The following MMP16 variants were observed in gnomAD, a reference collection of about 807,000 sequenced individuals.
MMP16 encodes matrix metallopeptidase 16, also known as matrix metalloproteinase-16.
A neutral mutation model predicts 67.8 loss-of-function variants in MMP16; 12 were observed. That is an observed-to-expected ratio of 0.18 (90% CI 0.11 to 0.29). MMP16 has a LOEUF of 0.29. Ranked by LOEUF, MMP16 falls within the 10% of genes least tolerant of loss-of-function variation. MMP16 has a pLI of 1.00. For missense variants in MMP16, 475 were observed against 765.7 expected (o/e 0.62, Z 4.48); for synonymous variants, 249 against 255.9 (o/e 0.97, Z 0.26).
intron 4 of MMP16, among the ~76,000 whole-genome samples, chr8:88,153,355 G>GA (rs1192959993): frequency 1.3e-5 from 2 of 151,882 alleles, no homozygotes; most frequent in South Asian, 2.1e-4. Flanking sequence ...CACAGAATTG[G>GA]AAAAAACTAC....
At chr8:88,097,728 A>T (rs1169698599) in intron 6 of MMP16, among the ~76,000 whole-genome samples, 1 of 151,808 alleles carries the variant, frequency 6.6e-6, no homozygotes, top group Admixed American at 6.6e-5. Flanking sequence ...AATGAAAATC[A>T]ATTATGACAA....
Position 88,285,293 on chromosome 8 carries a change from C to A in MMP16, c.132+41782G>T, listed in dbSNP as rs542760226. ...TAGCTGGGATTACAGGCGCCTGCCA[C>A]CACGCCCAGCTAATTTTTATATTTT... On this transcript the variant is annotated intron_variant, in intron 1 of 9. Transcript: ENST00000286614. Among the ~76,000 whole-genome samples the A allele has an allele frequency of 2.0e-5, 3 of 152,224 alleles. 1 individual carries two copies. The South Asian group carries it at 6.2e-4, about 32-fold the overall frequency.
intron 7 of MMP16, among the ~76,000 whole-genome samples, chr8:88,070,670 T>C: frequency 6.6e-6 from 1 of 152,074 alleles, no homozygotes; most frequent in Admixed American, 6.6e-5. Context: ...ACTGAGAAAG[T>C]CTTCTGAGCT....
chr8:88,324,247 G>A (rs1217829586), intron 1 of MMP16, among the ~76,000 whole-genome samples: 1 of 152,066 alleles, frequency 6.6e-6, no homozygotes, highest in Non-Finnish European at 1.5e-5. Flanking sequence ...CTCTCTTTCT[G>A]TAACAGGATT....
At chr8:88,247,999 C>T (rs534164775) in intron 1 of MMP16, among the ~76,000 whole-genome samples, 2 of 152,032 alleles carry the variant, frequency 1.3e-5, no homozygotes, top group African/African-American at 4.8e-5. Flanking sequence ...GGAGTGGGCA[C>T]CAAGGTGTGG....
chr8:88,085,380 A>T (rs1808816702), intron 6 of MMP16, among the ~76,000 whole-genome samples: 1 of 152,070 alleles, frequency 6.6e-6, no homozygotes, highest in South Asian at 2.1e-4. Context: ...AAACCTGTTC[A>T]AAGCAACCAT....
rs1809545314 is a variant in MMP16 at position 88,213,652 on chromosome 8, A to AT, written c.133-16347dup. On this transcript the variant is annotated intron_variant, in intron 1 of 9. Transcript: ENST00000286614. Reference sequence around the variant, plus strand: ...AGACTGATTTACAAAAAGTACAAATATTTTTTCTAGTCCCAGTCCTAGATG... The same window carrying AT: ...AGACTGATTTACAAAAAGTACAAATATTTTTTTCTAGTCCCAGTCCTAGATG... Among the ~76,000 whole-genome samples, 4 of 152,108 alleles carry AT rather than the reference A, an allele frequency of 2.6e-5. No individual in the cohort carries two copies. The South Asian group carries it at 6.2e-4, about 24-fold the overall frequency.
At chr8:88,216,978 T>A (rs1344559282) in intron 1 of MMP16, among the ~76,000 whole-genome samples, 1 of 152,122 alleles carries the variant, frequency 6.6e-6, no homozygotes, top group Admixed American at 6.6e-5. Flanking sequence ...CATGGCTTGC[T>A]ATTTTATTAA....
At chr8:88,159,536 T>A (rs1808575699) in intron 4 of MMP16, among the ~76,000 whole-genome samples, 2 of 150,586 alleles carry the variant, frequency 1.3e-5, no homozygotes, top group African/African-American at 4.9e-5. Flanking sequence ...TTGCTGAAGT[T>A]GCTTATGGGG....
chr8:88,153,398 G>A lies in MMP16; in HGVS notation c.709+14271C>T, dbSNP rs1012870748. Among the ~76,000 whole-genome samples, 465 of 152,144 alleles carry A rather than the reference G, an allele frequency of 3.1e-3. 2 individuals are homozygous for A. The highest frequency in any genetic ancestry group is 5.3e-3 in the Non-Finnish European group (361 of 68,006). On this transcript the variant is annotated intron_variant, in intron 4 of 9. Coordinates refer to ENST00000286614, the MANE Select transcript of MMP16 (RefSeq NM_005941.5). ...TTCATATGGAACCAAAAAAGAGCCC[G>A]CATCACCAAGTCAACCCTAAGCCAA...
chr8:88,306,469 C>T (rs58695872), intron 1 of MMP16, among the ~76,000 whole-genome samples: 6 of 151,498 alleles, frequency 4.0e-5, no homozygotes, highest in South Asian at 2.1e-4. Context: ...AACTAGGCAG[C>T]GATACCACAA....
chr8:88,286,664 C>T (rs537545542), intron 1 of MMP16, among the ~76,000 whole-genome samples: 10 of 152,134 alleles, frequency 6.6e-5, no homozygotes, highest in African/African-American at 2.4e-4. Flanking sequence ...CAAGCTCCAC[C>T]TCCAGCGTTC....
intron 1 of MMP16, among the ~76,000 whole-genome samples, chr8:88,219,678 C>A (rs1563565769): frequency 6.6e-6 from 1 of 152,074 alleles, no homozygotes; most frequent in Non-Finnish European, 1.5e-5. Flanking sequence ...AAACTTCAAA[C>A]TATGCAAGAG....
At chr8:88,118,535 G>A (rs1809477120) in intron 5 of MMP16, among the ~76,000 whole-genome samples, 165 bp downstream of exon 5, 1 of 151,962 alleles carries the variant, frequency 6.6e-6, no homozygotes, top group South Asian at 2.1e-4. Flanking sequence ...TGGGACCTTT[G>A]CCAACAAAAT....
intron 1 of MMP16, among the ~76,000 whole-genome samples, chr8:88,210,846 A>C (rs1272196227): frequency 6.6e-6 from 1 of 152,126 alleles, no homozygotes; most frequent in African/African-American, 2.4e-5. Context: ...GAGTACTGAT[A>C]CTCAATGTAA....
chr8:88,221,618 A>G (rs371647272), intron 1 of MMP16, among the ~76,000 whole-genome samples: 1 of 42,120 alleles, frequency 2.4e-5, no homozygotes, highest in Non-Finnish European at 1.1e-4. Context: ...CTGGAAGATT[A>G]AAAAATATAA....
At chr8:88,189,203 T>C (rs185183184) in intron 2 of MMP16, among the ~76,000 whole-genome samples, 1 of 152,286 alleles carries the variant, frequency 6.6e-6, no homozygotes. Context: ...GCCCCTTCCT[T>C]ACTGAGCTCA....
chr8:88,317,504 A>T (rs1200276927), intron 1 of MMP16, among the ~76,000 whole-genome samples: 1 of 152,200 alleles, frequency 6.6e-6, no homozygotes, highest in African/African-American at 2.4e-5. Flanking sequence ...GTGTAAATAT[A>T]ACTTTTATAT....
chr8:88,061,504 C>T (rs1808399757), intron 7 of MMP16, among the ~76,000 whole-genome samples: 1 of 151,950 alleles, frequency 6.6e-6, no homozygotes, highest in Non-Finnish European at 1.5e-5. Flanking sequence ...TGCTTTTGAT[C>T]ACTTCCTTTT....
Sources: gnomAD v4.1 joint callset for allele counts (sites outside exome capture counted in the v4.1 genomes callset) on GRCh38, gnomAD v4.1.1 for gene constraint, MANE v1.5 for transcripts, NCBI Gene and HGNC (gene_info 2026-07-23, HGNC 2026-07-21) for gene names.